Variants in NOVA1 observed in about 807,000 individuals in gnomAD.
NOVA1 encodes NOVA alternative splicing regulator 1.
In NOVA1, 7 loss-of-function variants were observed where a neutral mutation model predicts 38.0. That is an observed-to-expected ratio of 0.18 (90% CI 0.10 to 0.35). NOVA1 has a LOEUF of 0.35. Among genes scored for constraint, NOVA1 ranks in the 10% least tolerant of loss-of-function variants. The pLI is 1.00. For missense variants in NOVA1, 460 were observed against 616.0 expected, an observed-to-expected ratio of 0.75 and a Z score of 2.68; for synonymous variants, 270 against 232.5, an observed-to-expected ratio of 1.16 and a Z score of -1.47.
At position 26,448,068 on chromosome 14, in the gene NOVA1, A is replaced by G. The variant is rs989199578; in HGVS notation, c.1415T>C (p.Val472Ala). ...TGCAGCTGGTGTTCCAGTAATGGTT[A>G]CCTTCCGATTCCTTGTGCCAGGTAC... ...EFVPGTRNRK[V>A]TITGTPAATQ... Residue 472 changes from valine (V) to alanine (A), a missense_variant, in exon 5 of 5, where the codon GTA (valine) becomes GCA (alanine). Coordinates refer to ENST00000539517, the MANE Select transcript of NOVA1 (RefSeq NM_002515.3). This position sits in a 1 kb window ranked among gnomAD's most constrained non-coding sequence, Gnocchi z 5.3. 2 of 1,614,172 alleles carry G rather than the reference A, an allele frequency of 1.2e-6. No homozygotes were observed. Among genetic ancestry groups the G allele is most frequent in the Non-Finnish European group, 1.7e-6 (2 of 1,180,020 alleles).
At position 26,592,013 on chromosome 14, in the gene NOVA1, TTGAC is replaced by T. The variant is rs563463469; in HGVS notation, c.280+3393_280+3396del. Reference sequence around the variant, plus strand: ...CCAACACTATAATGAAGGATTCTGTTTGACTGATGTAACGAATACCATATAATAG... The same window carrying T: ...CCAACACTATAATGAAGGATTCTGTTTGATGTAACGAATACCATATAATAG... On this transcript the variant is annotated intron_variant, in intron 2 of 4. Coordinates refer to ENST00000539517, the MANE Select transcript of NOVA1 (RefSeq NM_002515.3). Among the ~76,000 whole-genome samples, 439 of 151,604 alleles carry T rather than the reference TTGAC, an allele frequency of 2.9e-3. 5 individuals carry two copies. The highest frequency in any genetic ancestry group is 9.9e-3 in the African/African-American group (410 of 41,502).
Position 26,597,427 on chromosome 14 carries a change from C to T in NOVA1, c.10G>A (p.Ala4Thr). The change falls in exon 1 of 5, where the codon GCA becomes ACA. Residue 4 changes from alanine (A) to threonine (T), a missense_variant. By Grantham distance (58) the Ala-to-Thr change is moderately conservative (BLOSUM62 0). Coordinates refer to ENST00000539517, the MANE Select transcript of NOVA1 (RefSeq NM_002515.3). MMA[A>T]APIQQNGTHT... ...GTCCCGTTCTGCTGGATGGGAGCTG[C>T]CGCCATCATGTTTGCAGTTCCTGCC... The T allele has an allele frequency of 7.7e-7, 1 of 1,291,476 alleles. No individual in the cohort carries two copies. The highest frequency in any genetic ancestry group is 9.9e-7 in the Non-Finnish European group (1 of 1,012,330). The allele number at this position is 1,291,476 out of a possible 1,614,324, so 80.0% of individuals were successfully genotyped here. A position where few individuals can be genotyped will look rare whatever the true frequency, so the allele number is the denominator to read the frequency against.
chr14:26,576,858 T>G (rs573889597), intron 2 of NOVA1, among the ~76,000 whole-genome samples: 1 of 152,036 alleles, frequency 6.6e-6, no homozygotes, highest in African/African-American at 2.4e-5. Context: ...ACAGCTACTT[T>G]TTTGGTGTGA....
chr14:26,465,434 G>T (rs1223605360), intron 4 of NOVA1, among the ~76,000 whole-genome samples: 2 of 152,160 alleles, frequency 1.3e-5, no homozygotes, highest in Non-Finnish European at 2.9e-5. Context: ...GCCTCCCAAA[G>T]TGCTGGGATT....
At chr14:26,520,584 T>A (rs555842675) in intron 2 of NOVA1, among the ~76,000 whole-genome samples, 1 of 152,230 alleles carries the variant, frequency 6.6e-6, no homozygotes, top group South Asian at 2.1e-4. Context: ...TGGCAGGACA[T>A]CGCATTGCCG....
intron 2 of NOVA1, among the ~76,000 whole-genome samples, chr14:26,566,122 A>C (rs946090153): frequency 2.0e-5 from 3 of 152,168 alleles, no homozygotes; most frequent in African/African-American, 7.2e-5. Flanking sequence ...AATGCATAAC[A>C]TAACAGCTTA....
rs1236918076 is a variant in NOVA1, at chr14:26,597,964, C to G, written c.-528G>C. On this transcript the variant is annotated 5_prime_UTR_variant, in exon 1 of 5. Coordinates refer to ENST00000539517, the MANE Select transcript of NOVA1 (RefSeq NM_002515.3). ...AGCCGGGAAGGAGCGCGGCGGTCCC[C>G]GCGCCGCGCTAGCGTTGCGCTCGCT... 2.0e-5 allele frequency among the ~76,000 whole-genome samples: 3 copies of G among 151,696 alleles called. No homozygotes were observed. The East Asian group carries it at 5.9e-4, about 30-fold the overall frequency.
intron 2 of NOVA1, among the ~76,000 whole-genome samples, chr14:26,509,629 A>G (rs1887904127): frequency 2.0e-5 from 3 of 152,142 alleles, no homozygotes; most frequent in Admixed American, 2.0e-4. Context: ...CTAGATGTAA[A>G]GATGGAGGAG....
At chr14:26,585,223 AG>A (rs1200700057) in intron 2 of NOVA1, among the ~76,000 whole-genome samples, 1 of 151,384 alleles carries the variant, frequency 6.6e-6, no homozygotes, top group Non-Finnish European at 1.5e-5. Context: ...AAGTATGTAA[AG>A]ACTCCGAAAT....
At chr14:26,469,117 A>G (rs1470410063) in intron 4 of NOVA1, among the ~76,000 whole-genome samples, 1 of 152,212 alleles carries the variant, frequency 6.6e-6, no homozygotes, top group Non-Finnish European at 1.5e-5. Flanking sequence ...TCTGCTTCAT[A>G]TTTAAAACTC....
At chr14:26,490,014 TCCATCCCTTCCTTCCTATATCCC>T (rs1455201675) in intron 2 of NOVA1, among the ~76,000 whole-genome samples, 1 of 152,152 alleles carries the variant, frequency 6.6e-6, no homozygotes, top group African/African-American at 2.4e-5. Flanking sequence ...GAAATAAATT[TCCATCCCTTCCTTCCTATATCCC>T]CCAGTTACCT....
intron 2 of NOVA1, among the ~76,000 whole-genome samples, chr14:26,530,012 C>T (rs1306771575): frequency 3.9e-5 from 6 of 152,234 alleles, no homozygotes; most frequent in Middle Eastern, 3.4e-3. Flanking sequence ...CTCCGCCTCC[C>T]GGGTTCACGC....
rs147127335 is a variant in NOVA1 at position 26,506,871 on chromosome 14, C to T, written c.281-26728G>A. On this transcript the variant is annotated intron_variant, in intron 2 of 4. Transcript: ENST00000539517. Reference sequence around the variant, plus strand: ...CTGGGATTACAGGCATGAGCCACCGCGCCAGGCCAACAACTGTTCTTTAAG... The same window carrying T: ...CTGGGATTACAGGCATGAGCCACCGTGCCAGGCCAACAACTGTTCTTTAAG... 2.1e-3 allele frequency among the ~76,000 whole-genome samples: 322 copies of T among 152,044 alleles called. 2 individuals carry two copies. Among genetic ancestry groups the T allele is most frequent in the African/African-American group, 7.1e-3 (296 of 41,478 alleles).
chr14:26,559,092 GTTGCGATTATTT>G (rs893615999), intron 2 of NOVA1, among the ~76,000 whole-genome samples: 2 of 151,956 alleles, frequency 1.3e-5, no homozygotes, highest in African/African-American at 4.8e-5. Flanking sequence ...TAAAAAAAAA[GTTGCGATTATTT>G]CTCTGAAGCA....
rs201431317 is a variant in NOVA1 at position 26,448,933 on chromosome 14, C to T, written c.550G>A (p.Gly184Ser). 2 of 1,613,618 alleles carry T rather than the reference C, an allele frequency of 1.2e-6. No individual in the cohort carries two copies. The highest frequency in any genetic ancestry group is 8.5e-7 in the Non-Finnish European group (1 of 1,179,766). The change falls in exon 5 of 5, where the codon GGT (glycine) becomes AGT (serine). Residue 184 changes from glycine to serine, a missense_variant. By Grantham distance (56) the Gly-to-Ser change is moderately conservative. Transcript: ENST00000539517. This position sits in a 1 kb window ranked among gnomAD's most constrained non-coding sequence, Gnocchi z 5.3. The stretch of plus-strand genomic sequence containing the variant: ...GCACCTCCCTTCCCTATTATCAGAC[C>T]TGCTGTGCTGTTGGGAACTATAATC... ...VKIIVPNSTA[G>S]LIIGKGGATV...
Position 26,444,650 on chromosome 14 carries a change from T to TA in NOVA1, c.*3308dup, listed in dbSNP as rs1257395889. On this transcript the variant is annotated 3_prime_UTR_variant, in exon 5 of 5. Transcript: ENST00000539517. The stretch of plus-strand genomic sequence containing the variant: ...AGAAAATGACTTCCACAGAAATAGA[T>TA]ACATTTAACTGTTTCAGGAGTGGGG... The TA allele has an allele frequency of 6.6e-6, 1 of 152,056 alleles. No individual in the cohort carries two copies. The highest frequency in any genetic ancestry group is 1.5e-5 in the Non-Finnish European group (1 of 68,018). 9.4% of individuals were successfully genotyped at this position (152,056 alleles called of 1,614,324 possible). A position where few individuals can be genotyped will look rare whatever the true frequency, so the allele number is the denominator to read the frequency against.
chr14:26,574,609 T>C (rs1892717798), intron 2 of NOVA1, among the ~76,000 whole-genome samples: 1 of 152,010 alleles, frequency 6.6e-6, no homozygotes, highest in African/African-American at 2.4e-5. Context: ...AAAATTAAAG[T>C]GTTATCATAA....
intron 2 of NOVA1, among the ~76,000 whole-genome samples, chr14:26,540,361 G>A (rs1229806397): frequency 1.3e-5 from 2 of 152,172 alleles, no homozygotes; most frequent in African/African-American, 4.8e-5. Context: ...ATCTGAGGTG[G>A]AGCAGTTTCA....
In NOVA1 at chr14:26,457,103, T is replaced by A. The variant is rs1423665009; in HGVS notation, c.520-8140A>T. The stretch of plus-strand genomic sequence containing the variant: ...TTTTTCTCTTACCATATACACTTTG[T>A]CTTATTTTTTAAAAGCAGTGTAACA... On this transcript the variant is annotated intron_variant, in intron 4 of 4. Coordinates refer to ENST00000539517, the MANE Select transcript of NOVA1 (RefSeq NM_002515.3). Among the ~76,000 whole-genome samples the A allele has an allele frequency of 2.0e-5, 3 of 152,048 alleles. No homozygotes were observed. The South Asian group carries it at 6.2e-4, about 31-fold the overall frequency.
Sources: gnomAD v4.1 joint callset for allele counts (sites outside exome capture counted in the v4.1 genomes callset) on GRCh38, gnomAD v4.1.1 for gene constraint, Gnocchi (gnomAD v3.1) non-coding constraint, MANE v1.5 for transcripts, NCBI Gene and HGNC (gene_info 2026-07-23, HGNC 2026-07-21) for gene names.